CYLD: variants seen among roughly 807,000 people sequenced by gnomAD.
The protein encoded by CYLD is ubiquitin carboxyl-terminal hydrolase CYLD.
CYLD carries 26 observed loss-of-function variants against 104.5 expected under a neutral mutation model. The observed-to-expected ratio is 0.25, with a 90% CI of 0.18 to 0.35. The LOEUF (loss-of-function observed/expected upper bound fraction) is 0.35. CYLD is among the 10% of genes least tolerant of loss of function. The probability of loss-of-function intolerance (pLI) is 1.00; values close to 1 mark genes in which losing one functional copy is unlikely to be tolerated. For missense variants in CYLD, 703 were observed against 1,136.1 expected (o/e 0.62, Z 5.48); for synonymous variants, 385 against 399.9 (o/e 0.96, Z 0.45).
At position 50,771,565 on chromosome 16, in the gene CYLD, A is replaced by G. The variant is rs572418334; in HGVS notation, c.914-3601A>G. On this transcript the variant is annotated intron_variant, in intron 5 of 18. Coordinates refer to ENST00000427738, the MANE Select transcript of CYLD (RefSeq NM_001378743.1). The stretch of plus-strand genomic sequence containing the variant: ...TCATGTGGTGACTGTGTGTTTAGTC[A>G]TTTGTGGAACTGCCAAATGGTTTTC... 2.0e-5 allele frequency among the ~76,000 whole-genome samples: 3 copies of G among 152,254 alleles called. No individual in the cohort carries two copies. In the East Asian group the frequency reaches 5.8e-4, roughly 29 times the overall value.
At chr16:50,795,699 C>T (rs926386571) in intron 18 of CYLD, 13 of 677,128 alleles carry the variant, frequency 1.9e-5, no homozygotes, top group Non-Finnish European at 3.5e-5. Flanking sequence ...GGGATACATC[C>T]CAGCCCCATC....
intron 5 of CYLD, among the ~76,000 whole-genome samples, chr16:50,765,637 C>G (rs989920316): frequency 6.6e-6 from 1 of 152,166 alleles, no homozygotes; most frequent in African/African-American, 2.4e-5. Context: ...AACTAGGCCT[C>G]TTGTGCCAAA....
intron 5 of CYLD, among the ~76,000 whole-genome samples, chr16:50,757,088 A>G (rs1967333319): frequency 6.6e-6 from 1 of 152,142 alleles, no homozygotes; most frequent in Admixed American, 6.5e-5. Flanking sequence ...TCACAATTGA[A>G]TAAGCAAACT....
intron 5 of CYLD, among the ~76,000 whole-genome samples, chr16:50,769,626 G>T (rs1474099761): frequency 6.6e-6 from 1 of 152,178 alleles, no homozygotes; most frequent in African/African-American, 2.4e-5. Context: ...TGCAGAGAGA[G>T]GGACCCTGTG....
Position 50,777,278 on chromosome 16 carries a change from C to T in CYLD, c.1022-547C>T, listed in dbSNP as rs185221399. ...TGTGGCATAGCTACACTCGCCCTCT[C>T]ACGTATAATAAATCCAATCTGTAAG... is the stretch of plus-strand genomic sequence containing the variant. On this transcript the variant is annotated intron_variant, in intron 7 of 18. Transcript: ENST00000427738. Among the ~76,000 whole-genome samples the T allele has an allele frequency of 1.9e-4, 29 of 152,264 alleles. 1 individual carries two copies. The highest frequency in any genetic ancestry group is 7.0e-4 in the African/African-American group (29 of 41,558).
Position 50,776,270 on chromosome 16 carries a change from G to T in CYLD, c.1014G>T (p.Lys338Asn). ...GTTCATCCAGTCATAATAAACCAAAGGCTACAGGTATGGATTAATAGCATA... is the reference window on the plus strand; with the variant it reads ...GTTCATCCAGTCATAATAAACCAAATGCTACAGGTATGGATTAATAGCATA... ...DKGSSSHNKPKATGSTSDPGN... is the reference protein window; with the variant it reads ...DKGSSSHNKPNATGSTSDPGN... The change falls in exon 7 of 19, where the codon AAG becomes AAT. Residue 338 changes from lysine (K) to asparagine (N), a missense_variant. Physicochemically the swap from Lys to Asn is moderately conservative, Grantham distance 94 (BLOSUM62 0). Transcript: ENST00000427738. 6.2e-7 allele frequency: 1 copy of T among 1,610,128 alleles called. No homozygotes were observed. The highest frequency in any genetic ancestry group is 8.5e-7 in the Non-Finnish European group (1 of 1,176,592).
At chr16:50,767,680 T>C (rs1036002733) in intron 5 of CYLD, among the ~76,000 whole-genome samples, 2 of 152,192 alleles carry the variant, frequency 1.3e-5, no homozygotes, top group Non-Finnish European at 2.9e-5. Flanking sequence ...AAGATTGAGA[T>C]ACCTGAACTA....
rs1476491137 is a variant in CYLD, at chr16:50,799,219, G to A, written c.*2711G>A. 2 of 233,136 alleles carry A rather than the reference G, an allele frequency of 8.6e-6. No individual in the cohort carries two copies. The highest frequency in any genetic ancestry group is 1.7e-5 in the Non-Finnish European group (2 of 118,024). The allele number at this position is 233,136 out of a possible 1,614,324, so 14.4% of individuals were successfully genotyped here. A position where few individuals can be genotyped will look rare whatever the true frequency, so the allele number is the denominator to read the frequency against. On this transcript the variant is annotated 3_prime_UTR_variant, in exon 19 of 19. Coordinates refer to ENST00000427738, the MANE Select transcript of CYLD (RefSeq NM_001378743.1). ...AATTGAATTATCTTATTTATAACAC[G>A]GTTCGTGATTCATGATTCATGATTA...
intron 9 of CYLD, among the ~76,000 whole-genome samples, chr16:50,780,729 G>A (rs533134237): frequency 6.6e-6 from 1 of 152,124 alleles, no homozygotes; most frequent in South Asian, 2.1e-4. Context: ...ATGTTGCCCA[G>A]GCTGGTCTCA....
At chr16:50,744,339 A>G (rs1290886537) in intron 2 of CYLD, among the ~76,000 whole-genome samples, 1 of 152,200 alleles carries the variant, frequency 6.6e-6, no homozygotes, top group African/African-American at 2.4e-5. Context: ...CTGTTTAGAA[A>G]TATAACAACT....
intron 13 of CYLD, 145 bp downstream of exon 13, chr16:50,787,091 CT>C (rs1970918625): frequency 1.2e-5 from 8 of 692,652 alleles, no homozygotes; most frequent in South Asian, 1.1e-4. Flanking sequence ...GTTAGCTCCT[CT>C]TTTTGTAAAT....
chr16:50,742,938 G>A (rs1389092751), intron 2 of CYLD, 97 bp downstream of exon 2: 1 of 397,188 alleles, frequency 2.5e-6, no homozygotes, highest in Non-Finnish European at 4.4e-6. Flanking sequence ...TCAGGAGATG[G>A]TGTTGAGTTT....
At chr16:50,778,265 T>C (rs542027109) in intron 8 of CYLD, 108 of 190,398 alleles carry the variant, frequency 5.7e-4, no homozygotes, top group African/African-American at 2.5e-3. Context: ...TCCTGGGACA[T>C]CATTTTCACC....
rs982258151 is a variant in CYLD, at chr16:50,801,797, C to T, written c.*5289C>T. The T allele has an allele frequency of 1.7e-5, 4 of 233,264 alleles. No homozygotes were observed. Among genetic ancestry groups the T allele is most frequent in the African/African-American group, 6.6e-5 (3 of 45,328 alleles). The allele number at this position is 233,264 out of a possible 1,614,324, so 14.4% of individuals were successfully genotyped here. A position where few individuals can be genotyped will look rare whatever the true frequency, so the allele number is the denominator to read the frequency against. On this transcript the variant is annotated 3_prime_UTR_variant, in exon 19 of 19. Transcript: ENST00000427738. ...AGAACATTCTTTAAGAAGACCACCA[C>T]ATAGAATACCCCTTCCTATCAGCTC...
rs3064638 is a variant in CYLD, at chr16:50,793,115, TACACACAC to T, written c.2351-405_2351-398del. Reference sequence around the variant, plus strand: ...GATATATTCTACAAAAGGAGCCATATACACACACACACACACACACACACACACACACA... The same window carrying T: ...GATATATTCTACAAAAGGAGCCATATACACACACACACACACACACACACA... On this transcript the variant is annotated intron_variant, in intron 16 of 18. Coordinates refer to ENST00000427738, the MANE Select transcript of CYLD (RefSeq NM_001378743.1). Among the ~76,000 whole-genome samples the T allele has an allele frequency of 4.5e-4, 66 of 145,136 alleles. 1 individual carries two copies. The highest frequency in any genetic ancestry group is 1.5e-3 in the African/African-American group (61 of 40,392).
At chr16:50,774,838 G>C (rs1288899142) in intron 5 of CYLD, among the ~76,000 whole-genome samples, 1 of 152,222 alleles carries the variant, frequency 6.6e-6, no homozygotes, top group African/African-American at 2.4e-5. Flanking sequence ...GTGTGGATAA[G>C]TGGGGACCAC....
chr16:50,769,646 G>A (rs887705398), intron 5 of CYLD, among the ~76,000 whole-genome samples: 1 of 152,164 alleles, frequency 6.6e-6, no homozygotes, highest in Non-Finnish European at 1.5e-5. Flanking sequence ...GTGCCCTTTA[G>A]CCAATTTTTC....
chr16:50,780,543 G>A (rs527625437), intron 9 of CYLD, among the ~76,000 whole-genome samples: 1 of 152,244 alleles, frequency 6.6e-6, no homozygotes, highest in African/African-American at 2.4e-5. Flanking sequence ...TTTAGAGATG[G>A]GGTCTCACTC....
At chr16:50,785,528 A>G (rs1053803946) in intron 12 of CYLD, 1 of 152,208 alleles carries the variant, frequency 6.6e-6, no homozygotes. Flanking sequence ...ATTTTTAAAC[A>G]TACGATTTTT....
Sources: gnomAD v4.1 joint callset for allele counts (sites outside exome capture counted in the v4.1 genomes callset) on GRCh38, gnomAD v4.1.1 for gene constraint, MANE v1.5 for transcripts, NCBI Gene and HGNC (gene_info 2026-07-23, HGNC 2026-07-21) for gene names.